MALRD1: variants seen among roughly 807,000 people sequenced by gnomAD.
MALRD1 encodes the protein MAM and LDL receptor class A domain containing 1.
Under a neutral mutation model 242.1 loss-of-function variants are expected in MALRD1, and 247 were observed. The ratio of observed to expected loss-of-function variants is 1.02; its 90% CI spans 0.92 to 1.13. The LOEUF (loss-of-function observed/expected upper bound fraction) is 1.13, where lower values mean the gene tolerates loss of function less well. Ranked by LOEUF, MALRD1 falls within the 50% of genes most tolerant of loss-of-function variation. The pLI is 0.00. For missense variants in MALRD1, 2,989 were observed against 2,533.1 expected (o/e 1.18, Z -3.86); for synonymous variants, 995 against 866.6 (o/e 1.15, Z -2.60).
chr10:19,348,564 A>G (rs886507158), intron 25 of MALRD1, among the ~76,000 whole-genome samples: 2 of 152,192 alleles, frequency 1.3e-5, no homozygotes, highest in Admixed American at 6.6e-5. Context: ...TGACTTGGTC[A>G]TTAGCCTGTG....
At chr10:19,308,381 C>G (rs1006739155) in intron 21 of MALRD1, among the ~76,000 whole-genome samples, 3 of 151,550 alleles carry the variant, frequency 2.0e-5, no homozygotes, top group East Asian at 3.9e-4. Context: ...TTATTGTTAT[C>G]TATACTCATT....
At chr10:19,584,972 T>G (rs1837313628) in intron 33 of MALRD1, among the ~76,000 whole-genome samples, 1 of 152,164 alleles carries the variant, frequency 6.6e-6, no homozygotes, top group South Asian at 2.1e-4. Flanking sequence ...CCCTTTACCA[T>G]TATGTAATGG....
chr10:19,344,213 C>T (rs2130968457), intron 24 of MALRD1, among the ~76,000 whole-genome samples: 1 of 152,198 alleles, frequency 6.6e-6, no homozygotes, highest in East Asian at 1.9e-4. Flanking sequence ...TTTGATATCA[C>T]ATCTAAGAAT....
intron 1 of MALRD1, among the ~76,000 whole-genome samples, chr10:19,054,147 G>A (rs770322249): frequency 4.6e-5 from 7 of 152,018 alleles, no homozygotes; most frequent in Non-Finnish European, 8.8e-5. Flanking sequence ...TAGCTTTTAA[G>A]TCATATTTTT....
intron 18 of MALRD1, among the ~76,000 whole-genome samples, chr10:19,236,031 A>G (rs935991988): frequency 1.3e-5 from 2 of 152,204 alleles, no homozygotes; most frequent in Admixed American, 1.3e-4. Flanking sequence ...CTGGATTACA[A>G]AGGAAGAATG....
chr10:19,071,995 G>C (rs6481736), intron 2 of MALRD1, among the ~76,000 whole-genome samples: 81,167 of 151,984 alleles, frequency 0.53, 21,785 homozygotes, highest in Middle Eastern at 0.61. Flanking sequence ...CTTGTCTGTG[G>C]TGAACTTGCA....
At position 19,209,614 on chromosome 10, in the gene MALRD1, A is replaced by T; in HGVS notation, c.2925A>T (p.Ile975=). 1.3e-6 allele frequency: 2 copies of T among 1,551,034 alleles called. No individual in the cohort carries two copies. Among genetic ancestry groups the T allele is most frequent in the Non-Finnish European group, 1.7e-6 (2 of 1,147,074 alleles). ...CAAGGGGACAGCTGCTGTGGCAGAT[A>T]TTTGGGAATCAAGGCAACAGATGGA... The part of the protein sequence containing the change: ...SDSRGQLLWQ[I]FGNQGNRWIR... The change falls in exon 18 of 40, where the codon ATA becomes ATT. Residue 975 remains isoleucine, a synonymous_variant. Coordinates refer to ENST00000454679, the MANE Select transcript of MALRD1 (RefSeq NM_001142308.3).
chr10:19,663,141 C>T lies in MALRD1; in HGVS notation c.6138-29141C>T, dbSNP rs143103990. Reference sequence around the variant, plus strand: ...CGTCACCCATATAATGGACATTGCACCCAATTGGTAATTTTCCATCCCTCA... The same window carrying T: ...CGTCACCCATATAATGGACATTGCATCCAATTGGTAATTTTCCATCCCTCA... On this transcript the variant is annotated intron_variant, in intron 36 of 39. Coordinates refer to ENST00000454679, the MANE Select transcript of MALRD1 (RefSeq NM_001142308.3). 4.8e-3 allele frequency among the ~76,000 whole-genome samples: 736 copies of T among 152,114 alleles called. 6 individuals are homozygous for T. The highest frequency in any genetic ancestry group is 4.9e-3 in the Non-Finnish European group (330 of 67,972).
intron 36 of MALRD1, among the ~76,000 whole-genome samples, chr10:19,616,223 T>G (rs1214987222): frequency 6.6e-6 from 1 of 152,034 alleles, no homozygotes. Flanking sequence ...TTTTAAAAGA[T>G]ATTTTTCTGA....
chr10:19,566,542 T>C (rs61658054), intron 32 of MALRD1, among the ~76,000 whole-genome samples: 163 of 151,766 alleles, frequency 1.1e-3, no homozygotes, highest in African/African-American at 3.7e-3. Context: ...AAATGTACTA[T>C]TGCAATAGAA....
At chr10:19,446,453 G>C (rs1834987036) in intron 28 of MALRD1, among the ~76,000 whole-genome samples, 1 of 152,126 alleles carries the variant, frequency 6.6e-6, no homozygotes, top group Admixed American at 6.5e-5. Flanking sequence ...TAAAAAAATG[G>C]CTAGTTATTT....
intron 14 of MALRD1, among the ~76,000 whole-genome samples, chr10:19,177,130 T>G (rs117909717): frequency 6.6e-6 from 1 of 151,492 alleles, no homozygotes; most frequent in Non-Finnish European, 1.5e-5. Context: ...TACAAAAAAA[T>G]TAGCCAGGGC....
At chr10:19,699,267 T>A (rs1472107674) in intron 38 of MALRD1, among the ~76,000 whole-genome samples, 1 of 137,132 alleles carries the variant, frequency 7.3e-6, no homozygotes, top group African/African-American at 3.1e-5. Flanking sequence ...GGGAGAAAAT[T>A]GTACTGTGGA....
intron 33 of MALRD1, among the ~76,000 whole-genome samples, chr10:19,586,948 G>T (rs150806231): frequency 6.6e-6 from 1 of 152,196 alleles, no homozygotes; most frequent in African/African-American, 2.4e-5. Context: ...TTTTAGGCCC[G>T]TCGGAAAAGC....
chr10:19,395,753 C>T (rs1192379254), intron 28 of MALRD1, among the ~76,000 whole-genome samples: 1 of 152,176 alleles, frequency 6.6e-6, no homozygotes, highest in Non-Finnish European at 1.5e-5. Flanking sequence ...TTTATATCAT[C>T]TTGGAGAACA....
At chr10:19,539,537 A>G (rs566766886) in intron 32 of MALRD1, among the ~76,000 whole-genome samples, 57 of 152,278 alleles carry the variant, frequency 3.7e-4, no homozygotes, top group African/African-American at 1.3e-3. Context: ...AAATTTTACA[A>G]AATGGCATCA....
chr10:19,692,539 G>C lies in MALRD1; in HGVS notation c.6299G>C (p.Arg2100Thr), dbSNP rs1328116305. ...TVAVLCFLAN[R>T]KVPIRKTEGS... The stretch of plus-strand genomic sequence containing the variant: ...GCAGTCTTGTGTTTTCTTGCAAACA[G>C]AAAGGTACCAATAAGGTAAGTGATG... The change falls in exon 38 of 40, where the codon AGA (arginine) becomes ACA (threonine). Residue 2100 changes from arginine to threonine, a missense_variant. Transcript: ENST00000454679. 7.8e-6 allele frequency: 12 copies of C among 1,535,382 alleles called. No individual in the cohort carries two copies. In the East Asian group the frequency reaches 2.2e-4, roughly 28 times the overall value.
intron 32 of MALRD1, among the ~76,000 whole-genome samples, chr10:19,533,037 C>T (rs1420427854): frequency 5.9e-5 from 9 of 152,106 alleles, no homozygotes; most frequent in Admixed American, 5.9e-4. Flanking sequence ...TACAGTTCCT[C>T]ATCAAAGCAA....
At chr10:19,605,492 T>C (rs1032617219) in intron 34 of MALRD1, among the ~76,000 whole-genome samples, 2 of 150,134 alleles carry the variant, frequency 1.3e-5, no homozygotes, top group Non-Finnish European at 3.0e-5. Context: ...TTTCTTTTTT[T>C]TTTTTTTTTT....
Sources: gnomAD v4.1 joint callset for allele counts (sites outside exome capture counted in the v4.1 genomes callset) on GRCh38, gnomAD v4.1.1 for gene constraint, MANE v1.5 for transcripts, NCBI Gene and HGNC (gene_info 2026-07-23, HGNC 2026-07-21) for gene names.